Variants in FUT8 observed in about 807,000 individuals in gnomAD.
FUT8 encodes fucosyltransferase 8.
Under a neutral mutation model 71.3 loss-of-function variants are expected in FUT8, and 29 were observed. The ratio of observed to expected loss-of-function variants is 0.41; its 90% CI spans 0.30 to 0.55. The LOEUF is 0.55. Ranked by LOEUF, FUT8 falls within the 20% of genes least tolerant of loss-of-function variation. The pLI, the probability that FUT8 is intolerant of heterozygous loss-of-function variation, is 0.34. For missense variants in FUT8, 544 were observed against 702.1 expected, an observed-to-expected ratio of 0.77 and a Z score of 2.55; for synonymous variants, 254 against 239.3, an observed-to-expected ratio of 1.06 and a Z score of -0.57.
chr14:65,644,534 G>A (rs1000494854), intron 6 of FUT8, among the ~76,000 whole-genome samples: 2 of 151,970 alleles, frequency 1.3e-5, no homozygotes, highest in Non-Finnish European at 2.9e-5. Flanking sequence ...TAATTTTTTT[G>A]TATTTTTTAG....
At chr14:65,649,675 TC>T (rs1891271577) in intron 6 of FUT8, among the ~76,000 whole-genome samples, 1 of 152,226 alleles carries the variant, frequency 6.6e-6, no homozygotes, top group Admixed American at 6.5e-5. Flanking sequence ...TTGAATAATC[TC>T]CTTAAGTTTT....
intron 2 of FUT8, among the ~76,000 whole-genome samples, chr14:65,530,966 AG>A (rs1883918556): frequency 6.8e-6 from 1 of 146,882 alleles, no homozygotes; most frequent in South Asian, 2.2e-4. Flanking sequence ...ATTGGTAAAA[AG>A]TATGGGAACT....
chr14:65,598,193 A>G lies in FUT8; in HGVS notation c.204-17785A>G, dbSNP rs963832120. 7.9e-5 allele frequency among the ~76,000 whole-genome samples: 12 copies of G among 152,248 alleles called. No homozygotes were observed. In the East Asian group the frequency reaches 2.1e-3, roughly 27 times the overall value. Reference sequence around the variant, plus strand: ...AAATTTTATTATTCTATTATGTAACAGTCATACAGTTTGGCTGTATTTACT... The same window carrying G: ...AAATTTTATTATTCTATTATGTAACGGTCATACAGTTTGGCTGTATTTACT... On this transcript the variant is annotated intron_variant, in intron 3 of 10. Transcript: ENST00000673929.
At chr14:65,424,190 T>TC (rs2065346974) in intron 1 of FUT8, among the ~76,000 whole-genome samples, 1 of 152,226 alleles carries the variant, frequency 6.6e-6, no homozygotes, top group Non-Finnish European at 1.5e-5. Context: ...AACTGCTTGC[T>TC]TGGAGATGAT....
chr14:65,408,312 T>C (rs1249051632), upstream of FUT8, among the ~76,000 whole-genome samples: 2 of 152,158 alleles, frequency 1.3e-5, no homozygotes, highest in African/African-American at 4.8e-5. Context: ...CTACCTGGAA[T>C]TGACACATAC....
intron 7 of FUT8, among the ~76,000 whole-genome samples, chr14:65,687,539 T>G (rs933532825): frequency 5.3e-5 from 8 of 152,146 alleles, no homozygotes; most frequent in African/African-American, 1.9e-4. Context: ...AATCCAAAAA[T>G]AAAAATACCA....
chr14:65,552,484 G>C (rs1271065696), intron 2 of FUT8, among the ~76,000 whole-genome samples: 1 of 152,078 alleles, frequency 6.6e-6, no homozygotes, highest in Non-Finnish European at 1.5e-5. Flanking sequence ...ATGTTGATAA[G>C]AACCATGCTG....
At chr14:65,692,459 A>AC (rs1566898986) in intron 7 of FUT8, among the ~76,000 whole-genome samples, 1 of 59,234 alleles carries the variant, frequency 1.7e-5, no homozygotes, top group South Asian at 6.8e-4. Context: ...CGGGGGGCTG[A>AC]CCCCCCCACC....
intron 6 of FUT8, among the ~76,000 whole-genome samples, chr14:65,635,347 T>A (rs755489641): frequency 2.6e-5 from 4 of 152,206 alleles, no homozygotes; most frequent in Non-Finnish European, 1.5e-5. Flanking sequence ...CTTGTCTGAT[T>A]GCTCTGGCTA....
chr14:65,448,659 A>G (rs556403230), intron 1 of FUT8, among the ~76,000 whole-genome samples: 111 of 152,258 alleles, frequency 7.3e-4, no homozygotes, highest in African/African-American at 2.6e-3. Flanking sequence ...GGTGTGCCCA[A>G]TCTTTTGGGG....
chr14:65,382,423 G>A, the FUT8 span, among the ~76,000 whole-genome samples: 28 of 152,062 alleles, frequency 1.8e-4, no homozygotes, highest in South Asian at 2.3e-3. Flanking sequence ...TGAAACCTTC[G>A]CCTCCCGAGT....
At chr14:65,443,875 A>G (rs1410324540) in intron 1 of FUT8, among the ~76,000 whole-genome samples, 2 of 152,210 alleles carry the variant, frequency 1.3e-5, no homozygotes, top group African/African-American at 2.4e-5. Context: ...CTAAGTGACA[A>G]TGTTACATTT....
At chr14:65,675,715 C>T (rs189769906) in intron 7 of FUT8, among the ~76,000 whole-genome samples, 143 of 152,172 alleles carry the variant, frequency 9.4e-4, no homozygotes, top group Non-Finnish European at 1.7e-3. Context: ...AGAGGCCGGG[C>T]GCGGTGGCTC....
chr14:65,414,515 T>C (rs1203047906), intron 1 of FUT8, among the ~76,000 whole-genome samples: 1 of 152,238 alleles, frequency 6.6e-6, no homozygotes, highest in Non-Finnish European at 1.5e-5. Context: ...AATAAGGCCC[T>C]GTACCTTGCT....
At chr14:65,436,727 A>G (rs112827532) in intron 1 of FUT8, among the ~76,000 whole-genome samples, 28 of 152,290 alleles carry the variant, frequency 1.8e-4, no homozygotes, top group African/African-American at 6.7e-4. Flanking sequence ...ACTGTATCAC[A>G]CAATTCCAGG....
chr14:65,372,569 C>T, the FUT8 span, among the ~76,000 whole-genome samples: 2 of 152,024 alleles, frequency 1.3e-5, no homozygotes, highest in Non-Finnish European at 2.9e-5. Context: ...GCGCCCACCA[C>T]CATGCCCGGC....
intron 3 of FUT8, among the ~76,000 whole-genome samples, chr14:65,599,883 C>T (rs1030951481): frequency 6.6e-6 from 1 of 152,190 alleles, no homozygotes; most frequent in Non-Finnish European, 1.5e-5. Context: ...CTGCTTAATA[C>T]ATATGCTCTA....
At chr14:65,702,681 G>A (rs1444740801) in intron 7 of FUT8, among the ~76,000 whole-genome samples, 1 of 151,898 alleles carries the variant, frequency 6.6e-6, no homozygotes, top group Non-Finnish European at 1.5e-5. Flanking sequence ...AAGATGTTGT[G>A]GCCTACTGAT....
the FUT8 span, among the ~76,000 whole-genome samples, chr14:65,363,215 G>A: frequency 1.8e-3 from 261 of 148,220 alleles, 2 homozygotes; most frequent in African/African-American, 6.2e-3. Flanking sequence ...CCTGCCTTTC[G>A]GGTTCAAGCG....
Sources: gnomAD v4.1 joint callset for allele counts (sites outside exome capture counted in the v4.1 genomes callset) on GRCh38, gnomAD v4.1.1 for gene constraint, MANE v1.5 for transcripts, NCBI Gene and HGNC (gene_info 2026-07-23, HGNC 2026-07-21) for gene names.